The following ABCA13 variants were observed in gnomAD, a reference collection of about 807,000 sequenced individuals.
The protein encoded by ABCA13 is ATP binding cassette subfamily A member 13.
In ABCA13, 476 loss-of-function variants were observed where a neutral mutation model predicts 478.7. The observed-to-expected ratio is 0.99, with a 90% CI of 0.92 to 1.07. The LOEUF is 1.07. Among genes scored for constraint, ABCA13 ranks in the 50% least tolerant of loss-of-function variants. The pLI is 0.00. For synonymous variants in ABCA13, 2,252 were observed against 2,158.9 expected (o/e 1.04, Z -1.20); for missense variants, 6,060 against 5,910.6 (o/e 1.03, Z -0.83).
intron 41 of ABCA13, among the ~76,000 whole-genome samples, chr7:48,426,286 G>C (rs1448196507): frequency 6.6e-6 from 1 of 152,152 alleles, no homozygotes; most frequent in East Asian, 1.9e-4. Flanking sequence ...TGCAGATTTT[G>C]CTCAGTAGGA....
At chr7:48,337,365 A>G (rs2128948865) in intron 28 of ABCA13, among the ~76,000 whole-genome samples, 1 of 152,362 alleles carries the variant, frequency 6.6e-6, no homozygotes, top group East Asian at 1.9e-4. Context: ...ACTGGCAAAT[A>G]GCGAATGCCC....
At chr7:48,626,125 TTGGGATTGAGTGGGTAA>T (rs1793640938) in intron 59 of ABCA13, among the ~76,000 whole-genome samples, 1 of 152,174 alleles carries the variant, frequency 6.6e-6, no homozygotes, top group Non-Finnish European at 1.5e-5. Flanking sequence ...TGCCAGGGTC[TTGGGATTGAGTGGGTAA>T]TAAGGCATGA....
At chr7:48,629,990 AATT>A (rs954630118) in intron 59 of ABCA13, among the ~76,000 whole-genome samples, 24 of 152,198 alleles carry the variant, frequency 1.6e-4, no homozygotes, top group African/African-American at 5.3e-4. Flanking sequence ...CAATTTTTAA[AATT>A]ATTATTATCT....
chr7:48,547,696 A>G (rs1016855627), intron 55 of ABCA13, among the ~76,000 whole-genome samples: 4 of 151,914 alleles, frequency 2.6e-5, no homozygotes, highest in Non-Finnish European at 5.9e-5. Flanking sequence ...TTGGGTACCC[A>G]TACAATCATT....
intron 23 of ABCA13, among the ~76,000 whole-genome samples, chr7:48,306,072 A>T (rs1312011772): frequency 2.0e-5 from 3 of 152,242 alleles, no homozygotes; most frequent in Admixed American, 2.0e-4. Flanking sequence ...TCAAACAGGA[A>T]CAACGAACGA....
Position 48,520,025 on chromosome 7 carries a change from T to C in ABCA13, c.13798-16T>C, listed in dbSNP as rs1395720509. On this transcript the variant is annotated splice_polypyrimidine_tract_variant and intron_variant, in intron 52 of 61. Transcript: ENST00000435803. ...TAGCTTTTAATTGGATTTTTTTTCT[T>C]TTTTTCACTGTGCAGAATTTACAGA... The C allele has an allele frequency of 1.3e-6, 2 of 1,581,570 alleles. No homozygotes were observed. The highest frequency in any genetic ancestry group is 2.3e-5 in the South Asian group (2 of 85,684).
At chr7:48,175,807 T>A (rs1794781506) in intron 1 of ABCA13, among the ~76,000 whole-genome samples, 1 of 152,216 alleles carries the variant, frequency 6.6e-6, no homozygotes, top group Non-Finnish European at 1.5e-5. Context: ...TGTAATTTTG[T>A]ATCCTTTAAT....
intron 43 of ABCA13, among the ~76,000 whole-genome samples, chr7:48,457,020 A>C (rs543499841): frequency 2.6e-5 from 4 of 152,018 alleles, no homozygotes; most frequent in Admixed American, 2.6e-4. Context: ...TCTTCAACAA[A>C]TATTTATGGT....
At chr7:48,412,228 T>C (rs1563212008) in intron 40 of ABCA13, 125 bp from the exon 41 acceptor site, 1 of 696,100 alleles carries the variant, frequency 1.4e-6, no homozygotes, top group Non-Finnish European at 2.4e-6. Context: ...TTAAGTGTGA[T>C]ATTTCATTTA....
intron 23 of ABCA13, among the ~76,000 whole-genome samples, chr7:48,303,748 C>T (rs1413373947): frequency 6.6e-6 from 1 of 152,076 alleles, no homozygotes; most frequent in Non-Finnish European, 1.5e-5. Flanking sequence ...GATATTCTTT[C>T]AAGGTGTTTT....
chr7:48,297,464 T>C (rs1799542108), intron 22 of ABCA13, among the ~76,000 whole-genome samples, 153 bp downstream of exon 22: 1 of 152,214 alleles, frequency 6.6e-6, no homozygotes, highest in South Asian at 2.1e-4. Flanking sequence ...ATTTGGCATT[T>C]ATAAAGAAAG....
chr7:48,508,989 CATTTA>C (rs1418391335), intron 50 of ABCA13, among the ~76,000 whole-genome samples: 1 of 152,130 alleles, frequency 6.6e-6, no homozygotes, highest in Non-Finnish European at 1.5e-5. Flanking sequence ...TTCAGGAGTT[CATTTA>C]ATTTAATCAG....
intron 3 of ABCA13, among the ~76,000 whole-genome samples, chr7:48,202,976 G>C (rs930499857): frequency 2.4e-4 from 36 of 152,208 alleles, no homozygotes; most frequent in Non-Finnish European, 4.0e-4. Flanking sequence ...GGCGCTCGTC[G>C]GGGAGGCTTG....
chr7:48,544,029 T>G (rs1563416494), intron 55 of ABCA13, among the ~76,000 whole-genome samples: 1 of 151,748 alleles, frequency 6.6e-6, no homozygotes, highest in Admixed American at 6.6e-5. Context: ...TGTTCCTATA[T>G]ATTTAACAAT....
In ABCA13 at chr7:48,275,553, A is replaced by G. The variant is rs1796189016; in HGVS notation, c.5887A>G (p.Asn1963Asp). Residue 1963 changes from asparagine to aspartate, a missense_variant, in exon 17 of 62, where the codon AAC becomes GAC. By Grantham distance (23) the Asn-to-Asp change is conservative. Transcript: ENST00000435803. ...AATCATAGAAAAACTTAAAAATGTC[A>G]ACTTTACAAAAGTTACATCAGGTGA... Reference protein sequence around the residue: ...LQIIEKLKNVNFTKVTSGENI... With the variant: ...LQIIEKLKNVDFTKVTSGENI... The G allele has an allele frequency of 1.2e-6, 2 of 1,613,664 alleles. No individual in the cohort carries two copies. Among genetic ancestry groups the G allele is most frequent in the South Asian group, 1.1e-5 (1 of 91,080 alleles).
intron 48 of ABCA13, among the ~76,000 whole-genome samples, chr7:48,491,143 A>G (rs77256309): frequency 6.6e-6 from 1 of 152,330 alleles, no homozygotes; most frequent in East Asian, 1.9e-4. Flanking sequence ...GGGCGAGGTG[A>G]TTTGTGCAGG....
Position 48,229,914 on chromosome 7 carries a change from C to A in ABCA13, c.722C>A (p.Ser241Ter). 1 of 1,613,972 alleles carries A rather than the reference C, an allele frequency of 6.2e-7. No homozygotes were observed. Residue 241 changes from serine to a stop codon, truncating the protein, a stop_gained, in exon 7 of 62, where the codon TCG (serine) becomes TAG (stop). Coordinates refer to ENST00000435803, the MANE Select transcript of ABCA13 (RefSeq NM_152701.5). LOFTEE classifies it high-confidence loss of function. Reference protein sequence around the residue: ...VSELVLNVTISTLTFLQQHGV... With the variant: ...VSELVLNVTI Reference sequence around the variant, plus strand: ...GAACTTGTACTGAATGTGACCATTTCGACACTGACATTTCTGCAGCAACAT... The same window carrying A: ...GAACTTGTACTGAATGTGACCATTTAGACACTGACATTTCTGCAGCAACAT...
At chr7:48,264,256 A>G (rs899175726) in intron 15 of ABCA13, among the ~76,000 whole-genome samples, 2 of 152,016 alleles carry the variant, frequency 1.3e-5, no homozygotes, top group Admixed American at 6.6e-5. Flanking sequence ...TGCTGTGAAC[A>G]TTCACGGACA....
chr7:48,435,117 TAA>T (rs1465645358), intron 42 of ABCA13, among the ~76,000 whole-genome samples: 1 of 151,898 alleles, frequency 6.6e-6, no homozygotes, highest in African/African-American at 2.4e-5. Context: ...TCAAAAATAT[TAA>T]GTTTTCCAAT....
Sources: gnomAD v4.1 joint callset for allele counts (sites outside exome capture counted in the v4.1 genomes callset) on GRCh38, gnomAD v4.1.1 for gene constraint, MANE v1.5 for transcripts, NCBI Gene and HGNC (gene_info 2026-07-23, HGNC 2026-07-21) for gene names.